The following FSIP2 variants were observed in gnomAD, a reference collection of about 807,000 sequenced individuals.
FSIP2 encodes fibrous sheath interacting protein 2.
FSIP2 carries 367 observed loss-of-function variants against 510.5 expected under a neutral mutation model. The observed-to-expected ratio is 0.72, with a 90% CI of 0.66 to 0.78. The LOEUF (loss-of-function observed/expected upper bound fraction) is 0.78. FSIP2 is among the 30% of genes least tolerant of loss of function. The pLI, the probability that FSIP2 is intolerant of heterozygous loss-of-function variation, is 0.00. For missense variants in FSIP2, 7,594 were observed against 7,901.7 expected (o/e 0.96, Z 1.48); for synonymous variants, 2,601 against 2,732.2 (o/e 0.95, Z 1.50).
In FSIP2 at chr2:185,745,350, A is replaced by G. The variant is rs566677429; in HGVS notation, c.478-79A>G. On this transcript the variant is annotated intron_variant, in intron 4 of 22. Transcript: ENST00000424728. ...TTAAACAGAATTAAGCATTTATAAA[A>G]TATATAAATTTAAATGGTTTTATTT... The G allele has an allele frequency of 6.8e-4, 571 of 842,004 alleles. 4 individuals carry two copies. In the African/African-American group the frequency reaches 8.9e-3, roughly 13 times the overall value. The allele number at this position is 842,004 out of a possible 1,614,324, so 52.2% of individuals were successfully genotyped here.
chr2:185,739,348 C>T lies in FSIP2; in HGVS notation c.102C>T (p.Gly34=), dbSNP rs993154283. The change falls in exon 2 of 23, where the codon GGC becomes GGT. Residue 34 remains glycine (G), a splice_region_variant and synonymous_variant. Coordinates refer to ENST00000424728, the MANE Select transcript of FSIP2 (RefSeq NM_173651.4). ...AACTCTCCAATTGTGTCTGACAGGG[C>T]GTGCACAAAACCCACTTTGCAGGGG... ...LAADTQQCRD[G]VHKTHFAGVG... is the part of the protein sequence containing the mutation. 8 of 1,527,706 alleles carry T rather than the reference C, an allele frequency of 5.2e-6. No homozygotes were observed. Among genetic ancestry groups the T allele is most frequent in the South Asian group, 1.2e-5 (1 of 83,018 alleles). 94.6% of individuals were successfully genotyped at this position (1,527,706 alleles called of 1,614,324 possible).
rs773372908 is a variant in FSIP2 at position 185,808,615 on chromosome 2, A to G, written c.19309A>G (p.Lys6437Glu). 5.6e-6 allele frequency: 9 copies of G among 1,603,290 alleles called. No individual in the cohort carries two copies. The South Asian group carries it at 1.0e-4, about 18-fold the overall frequency. Residue 6437 changes from lysine (K) to glutamate (E), a missense_variant, in exon 17 of 23, where the codon AAA (lysine) becomes GAA (glutamate). By Grantham distance (56) the Lys-to-Glu change is moderately conservative. Transcript: ENST00000424728. ...CATACTGCAACAATCAGGAACCAAC[A>G]AAGAATTTTATTATGATATAAAAGA... is the stretch of plus-strand genomic sequence containing the variant. ...SNILQQSGTN[K>E]EFYYDIKDTN...
chr2:185,777,691 C>A (rs1480776170), intron 13 of FSIP2, among the ~76,000 whole-genome samples: 2 of 151,962 alleles, frequency 1.3e-5, no homozygotes, highest in Non-Finnish European at 2.9e-5. Context: ...GCCACACATC[C>A]TTGATTAAAT....
intron 19 of FSIP2, among the ~76,000 whole-genome samples, chr2:185,822,255 T>G (rs1693936369): frequency 6.6e-6 from 1 of 151,972 alleles, no homozygotes; most frequent in Non-Finnish European, 1.5e-5. Flanking sequence ...GGAAAGGCAT[T>G]CTAATTGGAT....
At chr2:185,826,096 T>C (rs2105686003) in intron 20 of FSIP2, among the ~76,000 whole-genome samples, 1 of 151,902 alleles carries the variant, frequency 6.6e-6, no homozygotes, top group East Asian at 1.9e-4. Context: ...ACATAAAACA[T>C]AACATATAGC....
At chr2:185,767,397 A>ACAGTC (rs1268326375) in intron 13 of FSIP2, among the ~76,000 whole-genome samples, 1 of 152,178 alleles carries the variant, frequency 6.6e-6, no homozygotes, top group Non-Finnish European at 1.5e-5. Flanking sequence ...ATTGTTAACT[A>ACAGTC]CAGTCACACT....
Position 185,808,803 on chromosome 2 carries a change from G to A in FSIP2, c.19497G>A (p.Val6499=). ...AGGCCCAAGAACATGCTTTTAATGT[G>A]ATTCCTGAATTAGAGCAAGAAAAGT... ...VQKAQEHAFN[V]IPELEQEKLD... Residue 6499 remains valine (V), a synonymous_variant, in exon 17 of 23, where the codon GTG becomes GTA. Coordinates refer to ENST00000424728, the MANE Select transcript of FSIP2 (RefSeq NM_173651.4). 6.2e-7 allele frequency: 1 copy of A among 1,612,782 alleles called. No individual in the cohort carries two copies. Among genetic ancestry groups the A allele is most frequent in the Non-Finnish European group, 8.5e-7 (1 of 1,179,450 alleles).
chr2:185,796,146 G>T lies in FSIP2; in HGVS notation c.9010G>T (p.Val3004Leu). ...ETVLNMLESF[V>L]DLQFKHISKY... Reference sequence around the variant, plus strand: ...GGTTTTAAACATGTTAGAGTCATTTGTGGACTTGCAGTTTAAACATATCTC... The same window carrying T: ...GGTTTTAAACATGTTAGAGTCATTTTTGGACTTGCAGTTTAAACATATCTC... Residue 3004 changes from valine (V) to leucine (L), a missense_variant, in exon 16 of 23, where the codon GTG becomes TTG. By Grantham distance (32) the Val-to-Leu change is conservative. Transcript: ENST00000424728. 1.3e-6 allele frequency: 2 copies of T among 1,534,248 alleles called. No homozygotes were observed. Among genetic ancestry groups the T allele is most frequent in the Non-Finnish European group, 1.7e-6 (2 of 1,145,762 alleles).
rs1692243090 is a variant in FSIP2, at chr2:185,756,215, A to G, written c.1015A>G (p.Thr339Ala). The G allele has an allele frequency of 1.5e-6, 2 of 1,307,784 alleles. No homozygotes were observed. The highest frequency in any genetic ancestry group is 2.1e-6 in the Non-Finnish European group (2 of 961,408). The allele number at this position is 1,307,784 out of a possible 1,614,324, so 81.0% of individuals were successfully genotyped here. A position where few individuals can be genotyped will look rare whatever the true frequency, so the allele number is the denominator to read the frequency against. ...THASPKNKKKTSEDIMLVYPA... is the reference protein window; with the variant it reads ...THASPKNKKKASEDIMLVYPA... ...AGCTTCTCCAAAGAATAAAAAGAAG[A>G]CTTCTGAAGATATAATGTTAGTTTA... Residue 339 changes from threonine to alanine, a missense_variant, in exon 9 of 23, where the codon ACT (threonine) becomes GCT (alanine). Thr to Ala is a moderately conservative substitution (Grantham distance 58). Coordinates refer to ENST00000424728, the MANE Select transcript of FSIP2 (RefSeq NM_173651.4).
At chr2:185,753,259 A>C (rs1195828387) in intron 7 of FSIP2, among the ~76,000 whole-genome samples, 4 of 151,256 alleles carry the variant, frequency 2.6e-5, no homozygotes, top group African/African-American at 9.7e-5. Context: ...CCCTCTAAGA[A>C]TCTCTGGGGT....
In FSIP2 at chr2:185,800,499, T is replaced by TA. The variant is rs1469520238; in HGVS notation, c.11195dup (p.Asn3732LysfsTer2). On this transcript the variant is annotated frameshift_variant, in exon 17 of 23. Transcript: ENST00000424728. LOFTEE classifies it high-confidence loss of function. Reference sequence around the variant, plus strand: ...AAAGAACATATTTCTACTCCTCGAATAATGAGCAACCTAATAGCATACTTA... The same window carrying TA: ...AAAGAACATATTTCTACTCCTCGAATAAATGAGCAACCTAATAGCATACTTA... 1.3e-6 allele frequency: 2 copies of TA among 1,533,258 alleles called. No homozygotes were observed. The highest frequency in any genetic ancestry group is 2.7e-5 in the African/African-American group (2 of 72,812). 95.0% of individuals were successfully genotyped at this position (1,533,258 alleles called of 1,614,324 possible). A position where few individuals can be genotyped will look rare whatever the true frequency, so the allele number is the denominator to read the frequency against.
Position 185,788,894 on chromosome 2 carries a change from T to C in FSIP2, c.1758T>C (p.Phe586=). ...CATTTCAGGCAGAACCCTGTGCATT[T>C]GTAGTTGACACGTCAGTAAGGAGAC... ...TKTFQAEPCA[F]VVDTSVRRPT... Residue 586 remains phenylalanine (F), a synonymous_variant, in exon 16 of 23, where the codon TTT becomes TTC. Coordinates refer to ENST00000424728, the MANE Select transcript of FSIP2 (RefSeq NM_173651.4). 2 of 1,535,060 alleles carry C rather than the reference T, an allele frequency of 1.3e-6. No homozygotes were observed. Among genetic ancestry groups the C allele is most frequent in the Non-Finnish European group, 1.7e-6 (2 of 1,146,026 alleles).
At chr2:185,761,132 T>A in intron 10 of FSIP2, 29 bp downstream of exon 10, 1 of 888,018 alleles carries the variant, frequency 1.1e-6, no homozygotes, top group Non-Finnish European at 1.7e-6. Context: ...AAGTTTTGTG[T>A]TGTATTTATT....
At position 185,743,130 on chromosome 2, in the gene FSIP2, C is replaced by A; in HGVS notation, c.226-3C>A. 1 of 1,458,838 alleles carries A rather than the reference C, an allele frequency of 6.9e-7. No homozygotes were observed. Among genetic ancestry groups the A allele is most frequent in the Non-Finnish European group, 9.0e-7 (1 of 1,114,194 alleles). 90.4% of individuals were successfully genotyped at this position (1,458,838 alleles called of 1,614,324 possible). Reference sequence around the variant, plus strand: ...TTACATATTTTTGAATCTGTGTTTGCAGCTTTTTCGACCTTCTTATGGTTT... The same window carrying A: ...TTACATATTTTTGAATCTGTGTTTGAAGCTTTTTCGACCTTCTTATGGTTT... On this transcript the variant is annotated splice_polypyrimidine_tract_variant and splice_region_variant and intron_variant, in intron 2 of 22. Coordinates refer to ENST00000424728, the MANE Select transcript of FSIP2 (RefSeq NM_173651.4).
intron 7 of FSIP2, among the ~76,000 whole-genome samples, chr2:185,748,826 A>C (rs1042756965): frequency 6.6e-6 from 1 of 152,066 alleles, no homozygotes; most frequent in Admixed American, 6.6e-5. Context: ...GAGTTATTTT[A>C]CAATTGTCTT....
rs1337907505 is a variant in FSIP2 at position 185,800,286 on chromosome 2, T to A, written c.10980T>A (p.Ser3660=). 6.5e-7 allele frequency: 1 copy of A among 1,534,250 alleles called. No individual in the cohort carries two copies. Among genetic ancestry groups the A allele is most frequent in the Non-Finnish European group, 8.7e-7 (1 of 1,145,676 alleles). Residue 3660 remains serine (S), a synonymous_variant, in exon 17 of 23, where the codon TCT becomes TCA. Transcript: ENST00000424728. ...CAAGCCCCAGAGACTGGCAATTTTC[T>A]ACTCAACAAATTGGTCAACTTTTTC... The part of the protein sequence containing the change: ...RQASPRDWQF[S]TQQIGQLFQK...
intron 7 of FSIP2, among the ~76,000 whole-genome samples, chr2:185,749,658 C>T (rs868563493): frequency 1.6e-4 from 25 of 151,704 alleles, no homozygotes; most frequent in African/African-American, 5.3e-4. Flanking sequence ...TGCTTGAAAC[C>T]TTCAGTATAA....
At chr2:185,773,617 C>T (rs1399006338) in intron 13 of FSIP2, among the ~76,000 whole-genome samples, 1 of 152,218 alleles carries the variant, frequency 6.6e-6, no homozygotes, top group Non-Finnish European at 1.5e-5. Flanking sequence ...TGTCAAATCA[C>T]ACCAGTAAGT....
In FSIP2 at chr2:185,814,038, GTAAGGTAAGTGA is replaced by G. The variant is rs761141807; in HGVS notation, c.20325+1_20325+12del. 26 of 1,609,526 alleles carry G rather than the reference GTAAGGTAAGTGA, an allele frequency of 1.6e-5. No individual in the cohort carries two copies. Among genetic ancestry groups the G allele is most frequent in the Non-Finnish European group, 2.0e-5 (24 of 1,177,872 alleles). On this transcript the variant is annotated splice_donor_variant and splice_donor_5th_base_variant and coding_sequence_variant and intron_variant, in exon 18 of 23. Transcript: ENST00000424728. LOFTEE classifies it high-confidence loss of function. ...TCATCTTGGGAGGAAAAGCCCCAGT[GTAAGGTAAGTGA>G]TAAGCATGACTGTTAGTGACTAGAA...
Sources: gnomAD v4.1 joint callset for allele counts (sites outside exome capture counted in the v4.1 genomes callset) on GRCh38, gnomAD v4.1.1 for gene constraint, MANE v1.5 for transcripts, NCBI Gene and HGNC (gene_info 2026-07-23, HGNC 2026-07-21) for gene names.